MDGA2: variants seen among roughly 807,000 people sequenced by gnomAD.
MDGA2 encodes the protein MAM domain containing glycosylphosphatidylinositol anchor 2.
MDGA2 carries 40 observed loss-of-function variants against 117.8 expected under a neutral mutation model. That is an observed-to-expected ratio of 0.34 (90% CI 0.26 to 0.44). MDGA2 has a LOEUF of 0.44. MDGA2 is among the 20% of genes least tolerant of loss of function. The pLI is 1.00. For missense variants in MDGA2, 1,123 were observed against 1,250.6 expected, an observed-to-expected ratio of 0.90 and a Z score of 1.54; for synonymous variants, 452 against 439.0, an observed-to-expected ratio of 1.03 and a Z score of -0.37.
intron 1 of MDGA2, among the ~76,000 whole-genome samples, chr14:47,396,290 G>A (rs189120215): frequency 6.6e-6 from 1 of 151,976 alleles, no homozygotes; most frequent in East Asian, 1.9e-4. Flanking sequence ...AATTAACTCA[G>A]GATGGATTAA....
chr14:47,626,922 C>G (rs555629511), intron 1 of MDGA2, among the ~76,000 whole-genome samples: 3 of 152,390 alleles, frequency 2.0e-5, no homozygotes, highest in African/African-American at 7.2e-5. Flanking sequence ...GGCAGCTCCA[C>G]CTGCACCCCG....
intron 14 of MDGA2, among the ~76,000 whole-genome samples, chr14:46,867,334 T>C (rs1052949972): frequency 2.0e-5 from 3 of 152,026 alleles, no homozygotes; most frequent in African/African-American, 7.2e-5. Flanking sequence ...TAGGTGGGAA[T>C]TGAACAATGA....
At chr14:47,096,600 T>C (rs1392038720) in intron 6 of MDGA2, among the ~76,000 whole-genome samples, 2 of 151,990 alleles carry the variant, frequency 1.3e-5, no homozygotes, top group Non-Finnish European at 2.9e-5. Flanking sequence ...AACAACATAT[T>C]ATAAAAAGCA....
chr14:47,264,559 T>C (rs1317059315), intron 2 of MDGA2, among the ~76,000 whole-genome samples: 1 of 152,166 alleles, frequency 6.6e-6, no homozygotes, highest in African/African-American at 2.4e-5. Flanking sequence ...TGTCAAATAA[T>C]TTAAAATATT....
rs1160680806 is a variant in MDGA2 at position 46,846,090 on chromosome 14, C to CT, written c.2884-220dup. On this transcript the variant is annotated intron_variant, in intron 15 of 16. Transcript: ENST00000399232. ...GTATTAGTTTTTCACATCAAAAGCT[C>CT]TGTGTCGATTTTAAAGCAAAACTAA... Among the ~76,000 whole-genome samples, 3 of 152,114 alleles carry CT rather than the reference C, an allele frequency of 2.0e-5. No homozygotes were observed. In the East Asian group the frequency reaches 5.8e-4, roughly 29 times the overall value.
Position 47,675,485 on chromosome 14 carries a change from G to T in MDGA2, c.-689C>A, listed in dbSNP as rs912709140. 3.3e-5 allele frequency among the ~76,000 whole-genome samples: 5 copies of T among 152,072 alleles called. No homozygotes were observed. Among genetic ancestry groups the T allele is most frequent in the Non-Finnish European group, 5.9e-5 (4 of 68,012 alleles). The stretch of plus-strand genomic sequence containing the variant: ...TGGGCACACCAGCCCAGCCGCCACC[G>T]CCACCGCTCTCCAAAATAGCCTTTA... On this transcript the variant is annotated 5_prime_UTR_variant, in exon 1 of 17. Transcript: ENST00000399232.
intron 3 of MDGA2, among the ~76,000 whole-genome samples, chr14:47,156,404 A>T (rs1287828115): frequency 2.0e-5 from 3 of 152,166 alleles, no homozygotes; most frequent in Admixed American, 2.0e-4. Context: ...CAGTTCACTA[A>T]ATTATGGAAG....
intron 14 of MDGA2, chr14:46,871,543 A>G (rs1881998087): frequency 6.6e-6 from 1 of 152,104 alleles, no homozygotes. Flanking sequence ...TCCACAAAGT[A>G]TCCTAGCCCA....
At chr14:47,070,367 G>A (rs559019678) in intron 6 of MDGA2, among the ~76,000 whole-genome samples, 77 of 152,212 alleles carry the variant, frequency 5.1e-4, no homozygotes, top group African/African-American at 1.5e-3. Context: ...GCTCCATCGA[G>A]TTGTAAATAA....
chr14:47,436,683 T>C (rs7150189), intron 1 of MDGA2, among the ~76,000 whole-genome samples: 37,912 of 152,072 alleles, frequency 0.25, 5,031 homozygotes, highest in Middle Eastern at 0.41. Context: ...TAAAGATAGC[T>C]GATGAGGTAA....
chr14:47,603,748 T>G (rs919933138), intron 1 of MDGA2, among the ~76,000 whole-genome samples: 2 of 152,134 alleles, frequency 1.3e-5, no homozygotes, highest in East Asian at 3.9e-4. Flanking sequence ...CATGTTGAAA[T>G]GTAATCTCCA....
intron 1 of MDGA2, among the ~76,000 whole-genome samples, chr14:47,393,116 A>ATAATAC (rs1318923376): frequency 2.0e-5 from 3 of 150,910 alleles, no homozygotes; most frequent in South Asian, 4.2e-4. Context: ...AATAATAATA[A>ATAATAC]TAATAATTGC....
chr14:46,918,223 T>C (rs891284266), intron 10 of MDGA2, among the ~76,000 whole-genome samples: 4 of 152,164 alleles, frequency 2.6e-5, no homozygotes, highest in Admixed American at 1.3e-4. Context: ...AAGAAAACAA[T>C]TGATTTTACA....
At chr14:47,479,615 T>G (rs534333611) in intron 1 of MDGA2, among the ~76,000 whole-genome samples, 24 of 152,274 alleles carry the variant, frequency 1.6e-4, no homozygotes, top group African/African-American at 4.3e-4. Flanking sequence ...ATCTCCTGCT[T>G]CTTCTTGGCA....
chr14:47,408,512 A>C (rs1276810600), intron 1 of MDGA2, among the ~76,000 whole-genome samples: 1 of 152,218 alleles, frequency 6.6e-6, no homozygotes, highest in Non-Finnish European at 1.5e-5. Flanking sequence ...GCTGGCTCTG[A>C]GATGTAGGGA....
At chr14:47,038,744 T>G (rs1371792601) in intron 7 of MDGA2, among the ~76,000 whole-genome samples, 1 of 151,592 alleles carries the variant, frequency 6.6e-6, no homozygotes, top group Non-Finnish European at 1.5e-5. Flanking sequence ...AAGACCATCC[T>G]GGTCAACACG....
At chr14:47,383,873 G>A (rs1330009607) in intron 1 of MDGA2, among the ~76,000 whole-genome samples, 3 of 152,132 alleles carry the variant, frequency 2.0e-5, no homozygotes, top group Non-Finnish European at 4.4e-5. Context: ...GTGAATATAT[G>A]TTATGACGAT....
intron 1 of MDGA2, among the ~76,000 whole-genome samples, chr14:47,558,441 T>TG (rs1566514098): frequency 6.6e-6 from 1 of 152,192 alleles, no homozygotes; most frequent in Non-Finnish European, 1.5e-5. Flanking sequence ...TGCAGTTTTC[T>TG]GGGGGAGTAC....
intron 2 of MDGA2, among the ~76,000 whole-genome samples, chr14:47,284,901 T>C (rs529763401): frequency 6.6e-6 from 1 of 152,128 alleles, no homozygotes; most frequent in Admixed American, 6.6e-5. Context: ...ATATTAAATA[T>C]AGTTTTTAGT....
Sources: allele counts gnomAD v4.1 joint callset (sites outside exome capture counted in the v4.1 genomes callset), GRCh38; gene constraint gnomAD v4.1.1; transcripts MANE v1.5; gene names NCBI Gene and HGNC (gene_info 2026-07-23, HGNC 2026-07-21).